The following ABCA7 variants were observed in gnomAD, a reference collection of about 807,000 sequenced individuals.
ABCA7 encodes the protein ATP binding cassette subfamily A member 7.
Under a neutral mutation model 227.6 loss-of-function variants are expected in ABCA7, and 261 were observed. The ratio of observed to expected loss-of-function variants is 1.15; its 90% confidence interval spans 1.04 to 1.27. ABCA7 has a LOEUF of 1.27. Among genes scored for constraint, ABCA7 ranks in the 50% most tolerant of loss-of-function variants. The pLI is 0.00. For synonymous variants in ABCA7, 1,488 were observed against 1,279.7 expected (o/e 1.16, Z -3.47); for missense variants, 3,331 against 2,924.5 (o/e 1.14, Z -3.21).
At chr19:1,053,565 G>C in intron 24 of ABCA7, 34 bp downstream of exon 24, 1 of 1,547,828 alleles carries the variant, frequency 6.5e-7, no homozygotes, top group Non-Finnish European at 8.7e-7. Flanking sequence ...GGTGGGGCCA[G>C]GAGGAGGGCT....
rs778591115 is a variant in ABCA7 at position 1,053,474 on chromosome 19, G to A, written c.3366G>A (p.Thr1122=). 1.4e-5 allele frequency: 23 copies of A among 1,591,438 alleles called. No homozygotes were observed. The highest frequency in any genetic ancestry group is 1.7e-5 in the Admixed American group (1 of 57,422). ...CCACACTCTTCCGAGAGCTAGACACGCGGCTGGCGGAGCTGAGGCTCACTG... is the reference window on the plus strand; with the variant it reads ...CCACACTCTTCCGAGAGCTAGACACACGGCTGGCGGAGCTGAGGCTCACTG... The part of the protein sequence containing the change: ...SFATLFRELD[T]RLAELRLTGY... The change falls in exon 24 of 47, where the codon ACG becomes ACA. Residue 1122 remains threonine (T), a synonymous_variant. Coordinates refer to ENST00000263094, the MANE Select transcript of ABCA7 (RefSeq NM_019112.4).
chr19:1,043,138 G>T lies in ABCA7; in HGVS notation c.677G>T (p.Ser226Ile), dbSNP rs2040227844. The change falls in exon 8 of 47, where the codon AGT becomes ATT. Residue 226 changes from serine (S) to isoleucine (I), a missense_variant. Transcript: ENST00000263094. ...GAGTTGCTGTCAGAGGCCCTCTGCA[G>T]TGTCAGGGGACCTAGCAGCACAGTG... ...PLELLSEALC[S>I]VRGPSSTVGP... is the part of the protein sequence containing the mutation. The T allele has an allele frequency of 6.2e-7, 1 of 1,612,574 alleles. No homozygotes were observed. The highest frequency in any genetic ancestry group is 8.5e-7 in the Non-Finnish European group (1 of 1,179,646).
intron 40 of ABCA7, among the ~76,000 whole-genome samples, chr19:1,061,251 G>T (rs2042631857): frequency 6.6e-6 from 1 of 151,750 alleles, no homozygotes; most frequent in Non-Finnish European, 1.5e-5. Flanking sequence ...ACAAAAATTA[G>T]CCGGGCTTGG....
rs373283316 is a variant in ABCA7, at chr19:1,063,776, G to A, written c.5864G>A (p.Gly1955Asp). The change falls in exon 44 of 47, where the codon GGC becomes GAC. Residue 1955 changes from glycine (G) to aspartate (D), a missense_variant. Gly to Asp is a moderately conservative substitution (Grantham distance 94). Coordinates refer to ENST00000263094, the MANE Select transcript of ABCA7 (RefSeq NM_019112.4). Reference sequence around the variant, plus strand: ...GCTCCCCAGGACGAGCCGACCACAGGCATGGACCCCAGCGCGCGGCGCTTC... The same window carrying A: ...GCTCCCCAGGACGAGCCGACCACAGACATGGACCCCAGCGCGCGGCGCTTC... ...AVVFLDEPTT[G>D]MDPSARRFLW... is the part of the protein sequence containing the mutation. The A allele has an allele frequency of 6.5e-7, 1 of 1,547,822 alleles. No homozygotes were observed. The highest frequency in any genetic ancestry group is 2.4e-5 in the East Asian group (1 of 41,092).
chr19:1,045,076 G>A lies in ABCA7; in HGVS notation c.1290G>A (p.Ala430=), dbSNP rs747087953. The part of the protein sequence containing the change: ...ALVSRALQLL[A]EHRFWAGVVF... ...TGTCGCGGGCCCTGCAACTGCTCGC[G>A]GAACATCGATTCTGGGCCGGCGTCG... Residue 430 remains alanine (A), a synonymous_variant, in exon 12 of 47, where the codon GCG becomes GCA. Transcript: ENST00000263094. 1.9e-6 allele frequency: 3 copies of A among 1,612,938 alleles called. No individual in the cohort carries two copies. The highest frequency in any genetic ancestry group is 2.5e-6 in the Non-Finnish European group (3 of 1,179,984).
chr19:1,045,212 A>G lies in ABCA7; in HGVS notation c.1426A>G (p.Thr476Ala), dbSNP rs778656586. The change falls in exon 12 of 47, where the codon ACC becomes GCC. Residue 476 changes from threonine (T) to alanine (A), a missense_variant. Coordinates refer to ENST00000263094, the MANE Select transcript of ABCA7 (RefSeq NM_019112.4). ...IRMDIDVVTR[T>A]NKIRDRFWDP... ...CATGGACATTGACGTGGTCACGAGGACCAATAAGATCAGGGACAGGTCAGG... is the reference window on the plus strand; with the variant it reads ...CATGGACATTGACGTGGTCACGAGGGCCAATAAGATCAGGGACAGGTCAGG... The G allele has an allele frequency of 6.3e-7, 1 of 1,598,866 alleles. No homozygotes were observed. Among genetic ancestry groups the G allele is most frequent in the African/African-American group, 1.3e-5 (1 of 74,850 alleles).
rs1271737782 is a variant in ABCA7, at chr19:1,053,792, TC to T, written c.3430del (p.Leu1144Ter). Reference sequence around the variant, plus strand: ...AGCCCCTGCTTGTCTCCCCAGATCTTCCTGAAGGTGGTGGAGGAGTGTGCTG... The same window carrying T: ...AGCCCCTGCTTGTCTCCCCAGATCTTCTGAAGGTGGTGGAGGAGTGTGCTG... ...GISDTSLEEI[F>X]LKVVEECAAD... On this transcript the variant is annotated frameshift_variant, in exon 25 of 47. Transcript: ENST00000263094. LOFTEE classifies it high-confidence loss of function. 1 of 1,611,958 alleles carries T rather than the reference TC, an allele frequency of 6.2e-7. No individual in the cohort carries two copies.
rs1277425570 is a variant in ABCA7 at position 1,056,714 on chromosome 19, A to G, written c.4587-193A>G. 6.6e-6 allele frequency among the ~76,000 whole-genome samples: 1 copy of G among 151,858 alleles called. No homozygotes were observed. Among genetic ancestry groups the G allele is most frequent in the Non-Finnish European group, 1.5e-5 (1 of 67,934 alleles). On this transcript the variant is annotated intron_variant, in intron 33 of 46. Coordinates refer to ENST00000263094, the MANE Select transcript of ABCA7 (RefSeq NM_019112.4). This position sits in a 1 kb window ranked among gnomAD's most constrained non-coding sequence, Gnocchi z 4.3. ...TCCCCCACACATCCTCATCCCACCA[A>G]CCTTTATCCTGCCTGAGACCTGTAC...
chr19:1,064,190 G>C lies in ABCA7; in HGVS notation c.5981G>C (p.Arg1994Pro), dbSNP rs569138741. ...SMEECEALCS[R>P]LAIMVNGRFR... ...GAGGAGTGTGAAGCGCTCTGCTCGC[G>C]CCTGGCCATCATGGTGAATGGGCGG... The change falls in exon 45 of 47, where the codon CGC (arginine) becomes CCC (proline). Residue 1994 changes from arginine to proline, a missense_variant. Arg to Pro is a moderately radical substitution (Grantham distance 103). Transcript: ENST00000263094. 2 of 1,581,092 alleles carry C rather than the reference G, an allele frequency of 1.3e-6. No homozygotes were observed. Among genetic ancestry groups the C allele is most frequent in the Non-Finnish European group, 8.6e-7 (1 of 1,165,094 alleles).
intron 20 of ABCA7, 74 bp downstream of exon 20, chr19:1,051,368 G>T: frequency 1.3e-6 from 2 of 1,488,522 alleles, no homozygotes; most frequent in Non-Finnish European, 1.8e-6. Context: ...GGGGGAAGCC[G>T]GGTACTGAGG....
At position 1,053,405 on chromosome 19, in the gene ABCA7, G is replaced by C. The variant is rs747720189; in HGVS notation, c.3297G>C (p.Leu1099=). The C allele has an allele frequency of 6.2e-6, 10 of 1,608,016 alleles. No individual in the cohort carries two copies. Among genetic ancestry groups the C allele is most frequent in the Non-Finnish European group, 8.5e-6 (10 of 1,178,790 alleles). The part of the protein sequence containing the change: ...ARLVEELPHE[L]VLVLPYTGAH... ...TGGTGGAGGAGCTGCCACACGAGCT[G>C]GTGCTGGTGCTGCCCTACACGGGTG... Residue 1099 remains leucine, a synonymous_variant, in exon 24 of 47, where the codon CTG becomes CTC. Coordinates refer to ENST00000263094, the MANE Select transcript of ABCA7 (RefSeq NM_019112.4).
intron 35 of ABCA7, 142 bp downstream of exon 35, chr19:1,057,571 G>A (rs2042361461): frequency 2.3e-6 from 2 of 888,750 alleles, no homozygotes; most frequent in African/African-American, 1.7e-5. Context: ...ATCCAATTCA[G>A]TGGTGTGCCA....
chr19:1,053,525 C>A lies in ABCA7; in HGVS notation c.3417C>A (p.Leu1139=), dbSNP rs3752241. The change falls in exon 24 of 47, where the codon CTC becomes CTA. Residue 1139 remains leucine (L), a synonymous_variant. Transcript: ENST00000263094. ...GCTACGGGATCTCCGACACCAGCCT[C>A]GAGGAGGTGTGAGGCCTGGGTGGTG... ...LTGYGISDTS[L]EEIFLKVVEE... is the part of the protein sequence containing the mutation. 9.0e-6 allele frequency: 14 copies of A among 1,561,882 alleles called. No homozygotes were observed. The highest frequency in any genetic ancestry group is 1.1e-5 in the Non-Finnish European group (13 of 1,158,884).
chr19:1,056,412 C>T lies in ABCA7; in HGVS notation c.4499C>T (p.Pro1500Leu). 3 of 1,613,608 alleles carry T rather than the reference C, an allele frequency of 1.9e-6. No individual in the cohort carries two copies. In the South Asian group the frequency reaches 3.3e-5, roughly 18 times the overall value. Residue 1500 changes from proline (P) to leucine (L), a missense_variant, in exon 33 of 47, where the codon CCC (proline) becomes CTC (leucine). By Grantham distance (98) the Pro-to-Leu change is moderately conservative. Transcript: ENST00000263094. The surrounding 1 kb of genome is among the most constrained non-coding windows in gnomAD (Gnocchi z 4.3). The part of the protein sequence containing the change: ...ASNAILRAHL[P>L]PGPARHAHSI... ...AACGCAATCCTCCGTGCTCACCTGCCCCCAGGCCCGGCCCGCCACGCCCAC... is the reference window on the plus strand; with the variant it reads ...AACGCAATCCTCCGTGCTCACCTGCTCCCAGGCCCGGCCCGCCACGCCCAC...
At position 1,059,248 on chromosome 19, in the gene ABCA7, A is replaced by ACTAT. The variant is rs2042493205; in HGVS notation, c.5463+163_5463+164insCTAT. The ACTAT allele has an allele frequency of 2.8e-5, 5 of 178,578 alleles. 1 individual carries two copies. The highest frequency in any genetic ancestry group is 3.3e-5 in the Non-Finnish European group (3 of 91,034). The allele number at this position is 178,578 out of a possible 1,614,324, so 11.1% of individuals were successfully genotyped here. A position where few individuals can be genotyped will look rare whatever the true frequency, so the allele number is the denominator to read the frequency against. ...GCTCCTATTTTTATTTTATTATATT[A>ACTAT]TTATTTATTTATTTATTTATTTATT... is the stretch of plus-strand genomic sequence containing the variant. On this transcript the variant is annotated intron_variant, in intron 40 of 46. Transcript: ENST00000263094.
At chr19:1,047,790 C>G (rs2040862335) in intron 16 of ABCA7, 136 bp downstream of exon 16, 3 of 1,038,162 alleles carry the variant, frequency 2.9e-6, no homozygotes, top group Non-Finnish European at 4.0e-6. Flanking sequence ...CTTCTTGGCA[C>G]ACGCATGCAG....
chr19:1,056,545 G>T lies in ABCA7; in HGVS notation c.4586+46G>T. ...TGTCCTACCCTGCACGTCCTACCCT[G>T]CCTCCATTTCTCTGTCGTTTGGGGT... is the stretch of plus-strand genomic sequence containing the variant. On this transcript the variant is annotated intron_variant, in intron 33 of 46. Transcript: ENST00000263094. The surrounding 1 kb of genome is among the most constrained non-coding windows in gnomAD (Gnocchi z 4.3). The T allele has an allele frequency of 1.9e-6, 3 of 1,562,534 alleles. No individual in the cohort carries two copies. The highest frequency in any genetic ancestry group is 8.7e-7 in the Non-Finnish European group (1 of 1,151,198).
intron 17 of ABCA7, 71 bp downstream of exon 17, chr19:1,049,076 A>G (rs376546040): frequency 2.1e-6 from 2 of 971,918 alleles, no homozygotes; most frequent in South Asian, 1.6e-5. Flanking sequence ...GAGATTCCAC[A>G]GATGCCAATG....
Position 1,056,076 on chromosome 19 carries a change from T to G in ABCA7, c.4249T>G (p.Phe1417Val). ...KWVNEVRYGGFSLGGRDPGLP... is the reference protein window; with the variant it reads ...KWVNEVRYGGVSLGGRDPGLP... ...TGCATGGCCCCACAGATACGGAGGC[T>G]TCTCGCTGGGGGGCCGAGACCCAGG... The change falls in exon 32 of 47, where the codon TTC (phenylalanine) becomes GTC (valine). Residue 1417 changes from phenylalanine (F) to valine (V), a missense_variant. Transcript: ENST00000263094. The surrounding 1 kb of genome is among the most constrained non-coding windows in gnomAD (Gnocchi z 4.3). 1 of 1,593,132 alleles carries G rather than the reference T, an allele frequency of 6.3e-7. No homozygotes were observed. Among genetic ancestry groups the G allele is most frequent in the Non-Finnish European group, 8.6e-7 (1 of 1,168,206 alleles).
Sources: allele counts gnomAD v4.1 joint callset (sites outside exome capture counted in the v4.1 genomes callset), GRCh38; gene constraint gnomAD v4.1.1; non-coding constraint Gnocchi (gnomAD v3.1); transcripts MANE v1.5; gene names NCBI Gene and HGNC (gene_info 2026-07-23, HGNC 2026-07-21).